The following PCDHA11 variants were observed in gnomAD, a reference collection of about 807,000 sequenced individuals.
PCDHA11 encodes the protein protocadherin alpha-11.
In PCDHA11, 61 loss-of-function variants were observed where a neutral mutation model predicts 70.3. The ratio of observed to expected loss-of-function variants is 0.87; its 90% confidence interval spans 0.71 to 1.07. PCDHA11 has a LOEUF of 1.07. Ranked by LOEUF, PCDHA11 falls within the 50% of genes least tolerant of loss-of-function variation. The pLI, the probability that PCDHA11 is intolerant of heterozygous loss-of-function variation, is 0.00. For missense variants in PCDHA11, 1,324 were observed against 1,237.5 expected (o/e 1.07, Z -1.05); for synonymous variants, 633 against 555.1 (o/e 1.14, Z -1.97).
At chr5:140,980,307 TA>T (rs1554241617) in intron 2 of PCDHA11, among the ~76,000 whole-genome samples, 2 of 152,140 alleles carry the variant, frequency 1.3e-5, no homozygotes, top group African/African-American at 4.8e-5. Context: ...AGTTGTGCCT[TA>T]AAAACTACAT....
intron 3 of PCDHA11, 116 bp downstream of exon 3, chr5:140,982,679 C>T: frequency 7.0e-7 from 1 of 1,436,546 alleles, no homozygotes; most frequent in Non-Finnish European, 9.2e-7. Flanking sequence ...TTGTTATTCC[C>T]TTTTTTCCAT....
chr5:140,912,530 A>C (rs2075961098), intron 1 of PCDHA11, among the ~76,000 whole-genome samples: 2 of 152,178 alleles, frequency 1.3e-5, no homozygotes, highest in East Asian at 1.9e-4. Context: ...TTCAGAGTAC[A>C]TGATCATATT....
intron 1 of PCDHA11, chr5:140,882,537 TCGACCGCGAGGAGCTGTGTGGGC>T (rs1554174449): frequency 1.2e-6 from 2 of 1,614,058 alleles, no homozygotes; most frequent in African/African-American, 2.7e-5. Flanking sequence ...AATTCTCGGA[TCGACCGCGAGGAGCTGTGTGGGC>T]GGAGCGCGGA....
intron 1 of PCDHA11, among the ~76,000 whole-genome samples, chr5:140,898,095 T>C (rs1196262591): frequency 7.9e-5 from 12 of 152,170 alleles, no homozygotes; most frequent in Non-Finnish European, 1.6e-4. Flanking sequence ...ATTAGCCCTT[T>C]GTCAGATGAG....
Position 140,876,798 on chromosome 5 carries a change from C to G in PCDHA11, c.2391+5304C>G, listed in dbSNP as rs199586239. 1.6e-4 allele frequency: 252 copies of G among 1,614,180 alleles called. 4 individuals are homozygous for G. The East Asian group carries it at 3.4e-3, about 22-fold the overall frequency. ...CGCTGTGGGCCACGGCTAGAGTGTC[C>G]GTGGAGGTGGCCGACGTGAACGACA... On this transcript the variant is annotated intron_variant, in intron 1 of 3. Coordinates refer to ENST00000398640, the MANE Select transcript of PCDHA11 (RefSeq NM_018902.5).
chr5:140,897,997 G>C (rs1174176296), intron 1 of PCDHA11, among the ~76,000 whole-genome samples: 1 of 152,168 alleles, frequency 6.6e-6, no homozygotes, highest in Non-Finnish European at 1.5e-5. Context: ...CTTTTGAGAA[G>C]TGTCTGTTCA....
chr5:140,925,447 T>G (rs2153577798), intron 1 of PCDHA11, among the ~76,000 whole-genome samples: 1 of 152,154 alleles, frequency 6.6e-6, no homozygotes, highest in Non-Finnish European at 1.5e-5. Context: ...AGAATTTGGG[T>G]GTATCTGTTG....
chr5:140,981,888 G>A (rs1554243508), intron 2 of PCDHA11, among the ~76,000 whole-genome samples: 1 of 152,140 alleles, frequency 6.6e-6, no homozygotes, highest in Non-Finnish European at 1.5e-5. Flanking sequence ...AATCTCTTCT[G>A]AGCGGGGATC....
chr5:140,893,433 G>A (rs1441735373), intron 1 of PCDHA11, among the ~76,000 whole-genome samples: 3 of 152,006 alleles, frequency 2.0e-5, no homozygotes, highest in African/African-American at 4.8e-5. Context: ...CAGGAAGATC[G>A]CTTGAAGCCA....
At position 141,003,524 on chromosome 5, in the gene PCDHA11, G is replaced by T. The variant is rs2098128799; in HGVS notation, c.2540-6103G>T. On this transcript the variant is annotated intron_variant, in intron 3 of 3. Coordinates refer to ENST00000398640, the MANE Select transcript of PCDHA11 (RefSeq NM_018902.5). ...GATGGGGTTTCACCATGTTCCCTAG[G>T]CTGGTCTTGAACTCCTGGCTTCAAG... 4.6e-5 allele frequency among the ~76,000 whole-genome samples: 7 copies of T among 152,070 alleles called. No individual in the cohort carries two copies. In the South Asian group the frequency reaches 1.5e-3, roughly 32 times the overall value.
At chr5:140,943,024 A>C (rs2093406550) in intron 1 of PCDHA11, among the ~76,000 whole-genome samples, 1 of 152,102 alleles carries the variant, frequency 6.6e-6, no homozygotes, top group Admixed American at 6.6e-5. Context: ...TGGGAGGCTG[A>C]GGTGGGTGGA....
At position 140,870,974 on chromosome 5, in the gene PCDHA11, G is replaced by A; in HGVS notation, c.1871G>A (p.Gly624Glu). 2 of 1,613,628 alleles carry A rather than the reference G, an allele frequency of 1.2e-6. No homozygotes were observed. The highest frequency in any genetic ancestry group is 1.7e-4 in the Middle Eastern group (1 of 6,060). The change falls in exon 1 of 4, where the codon GGG becomes GAG. Residue 624 changes from glycine (G) to glutamate (E), a missense_variant. Coordinates refer to ENST00000398640, the MANE Select transcript of PCDHA11 (RefSeq NM_018902.5). ...AGGSRIPFRVGLYTGEISTTR... is the reference protein window; with the variant it reads ...AGGSRIPFRVELYTGEISTTR... ...GGCTCGCGCATCCCGTTCCGCGTGG[G>A]GCTGTACACGGGCGAGATAAGCACA... is the stretch of plus-strand genomic sequence containing the variant.
At chr5:140,968,921 T>C (rs111394602) in intron 1 of PCDHA11, 34 of 1,614,098 alleles carry the variant, frequency 2.1e-5, no homozygotes, top group Non-Finnish European at 2.6e-5. Context: ...GTCTTTTATA[T>C]TTCTTTTGAC....
intron 1 of PCDHA11, among the ~76,000 whole-genome samples, chr5:140,975,784 A>T (rs1216156931): frequency 1.3e-5 from 2 of 151,914 alleles, no homozygotes; most frequent in African/African-American, 4.8e-5. Flanking sequence ...CCATTACAAG[A>T]TAAATTAAAT....
At position 140,968,170 on chromosome 5, in the gene PCDHA11, C is replaced by T. The variant is rs1554230457; in HGVS notation, c.2392-10779C>T. 3 of 1,614,132 alleles carry T rather than the reference C, an allele frequency of 1.9e-6. No homozygotes were observed. In the South Asian group the frequency reaches 3.3e-5, roughly 18 times the overall value. On this transcript the variant is annotated intron_variant, in intron 1 of 3. Transcript: ENST00000398640. ...CTGACATCAATGACAATCCACCAAG[C>T]TTCCTGGAGGACTCCTATTCCATCT...
At chr5:140,886,507 G>A (rs2061007189) in intron 1 of PCDHA11, among the ~76,000 whole-genome samples, 1 of 151,788 alleles carries the variant, frequency 6.6e-6, no homozygotes, top group South Asian at 2.1e-4. Context: ...TCCTTTTATG[G>A]ATTTTAAGGT....
chr5:140,896,782 T>C (rs2065751809), intron 1 of PCDHA11, among the ~76,000 whole-genome samples: 1 of 152,206 alleles, frequency 6.6e-6, no homozygotes, highest in African/African-American at 2.4e-5. Context: ...AGTTTGCTGA[T>C]ATTTTCTCCC....
chr5:141,002,973 G>A (rs1313247449), intron 3 of PCDHA11, among the ~76,000 whole-genome samples: 2 of 152,216 alleles, frequency 1.3e-5, no homozygotes, highest in African/African-American at 2.4e-5. Flanking sequence ...CCTGAAAATA[G>A]TATCCTTGGT....
chr5:140,876,029 A>C, intron 1 of PCDHA11: 1 of 1,613,700 alleles, frequency 6.2e-7, no homozygotes, highest in Non-Finnish European at 8.5e-7. Context: ...AAAACAAAAA[A>C]AGATAAAAGT....
Sources: gnomAD v4.1 joint callset for allele counts (sites outside exome capture counted in the v4.1 genomes callset) on GRCh38, gnomAD v4.1.1 for gene constraint, MANE v1.5 for transcripts, NCBI Gene and HGNC (gene_info 2026-07-23, HGNC 2026-07-21) for gene names.